WDR35: variants seen among roughly 807,000 people sequenced by gnomAD.
The protein encoded by WDR35 is WD repeat domain 35, also known as WD repeat-containing protein 35.
In WDR35, 118 loss-of-function variants were observed where a neutral mutation model predicts 158.3. The observed-to-expected ratio is 0.75, with a 90% confidence interval of 0.64 to 0.87. The LOEUF (loss-of-function observed/expected upper bound fraction) is 0.87, where lower values mean the gene tolerates loss of function less well. Among genes scored for constraint, WDR35 ranks in the 40% least tolerant of loss-of-function variants. The pLI, the probability that WDR35 is intolerant of heterozygous loss-of-function variation, is 0.00. For missense variants in WDR35, 1,263 were observed against 1,405.8 expected (o/e 0.90, Z 1.62); for synonymous variants, 448 against 476.1 (o/e 0.94, Z 0.77).
chr2:19,927,604 T>A (rs554180737), intron 25 of WDR35, among the ~76,000 whole-genome samples: 1 of 152,334 alleles, frequency 6.6e-6, no homozygotes, highest in African/African-American at 2.4e-5. Flanking sequence ...CTCTAGGAGC[T>A]AAACATTAAG....
intron 11 of WDR35, among the ~76,000 whole-genome samples, chr2:19,959,867 AATC>A (rs1193723938): frequency 6.6e-6 from 1 of 152,112 alleles, no homozygotes; most frequent in Admixed American, 6.5e-5. Context: ...ATTAAAAGAA[AATC>A]ATTACTTTTG....
chr2:19,980,877 T>C (rs1672361961), intron 3 of WDR35, 94 bp from the exon 4 acceptor site: 3 of 1,131,882 alleles, frequency 2.7e-6, no homozygotes, highest in Non-Finnish European at 4.0e-6. Flanking sequence ...TTAAAATCAA[T>C]ATGGTTCCTG....
chr2:19,935,160 T>C (rs1572327376), intron 21 of WDR35: 2 of 169,364 alleles, frequency 1.2e-5, no homozygotes, highest in Admixed American at 6.3e-5. Context: ...CCTAGCAACA[T>C]ATCATTTCAT....
At position 19,941,927 on chromosome 2, in the gene WDR35, T is replaced by G. The variant is rs567846215; in HGVS notation, c.1846-88A>C. The G allele has an allele frequency of 3.5e-4, 350 of 988,860 alleles. No homozygotes were observed. In the African/African-American group the frequency reaches 5.2e-3, roughly 15 times the overall value. The allele number at this position is 988,860 out of a possible 1,614,324, so 61.3% of individuals were successfully genotyped here. A position where few individuals can be genotyped will look rare whatever the true frequency, so the allele number is the denominator to read the frequency against. ...TGCTTTTAAATTTTATTATCAGAGT[T>G]TTCAGGTAAACAAAAGAGAGAATGT... On this transcript the variant is annotated intron_variant, in intron 16 of 26. Coordinates refer to ENST00000281405, the MANE Select transcript of WDR35 (RefSeq NM_020779.4).
chr2:19,982,435 A>G (rs747373565), intron 3 of WDR35, 28 bp downstream of exon 3: 7 of 1,608,076 alleles, frequency 4.4e-6, no homozygotes, highest in South Asian at 2.2e-5. Flanking sequence ...CCACTCAAAC[A>G]TGACTTAAAA....
At chr2:19,985,305 C>T (rs1336273809) in intron 2 of WDR35, among the ~76,000 whole-genome samples, 1 of 152,156 alleles carries the variant, frequency 6.6e-6, no homozygotes, top group East Asian at 1.9e-4. Context: ...CCACAAGCAG[C>T]TCCAACCCAG....
At position 19,989,978 on chromosome 2, in the gene WDR35, C is replaced by T; in HGVS notation, c.24+14G>A. On this transcript the variant is annotated intron_variant, in intron 1 of 26. Coordinates refer to ENST00000281405, the MANE Select transcript of WDR35 (RefSeq NM_020779.4). The stretch of plus-strand genomic sequence containing the variant: ...GAATGGCGGAGAAACGAGGACGCCC[C>T]CCAGGAAACTCACTTTCTTGCTCAG... The T allele has an allele frequency of 6.2e-7, 1 of 1,613,804 alleles. No individual in the cohort carries two copies. Among genetic ancestry groups the T allele is most frequent in the Non-Finnish European group, 8.5e-7 (1 of 1,179,856 alleles).
At chr2:19,963,036 T>C (rs1671715388) in intron 10 of WDR35, among the ~76,000 whole-genome samples, 1 of 152,190 alleles carries the variant, frequency 6.6e-6, no homozygotes, top group Non-Finnish European at 1.5e-5. Context: ...GTAACGTGTT[T>C]ATACTGCTAC....
intron 13 of WDR35, 132 bp downstream of exon 13, chr2:19,951,283 G>GT: frequency 1.2e-6 from 1 of 824,210 alleles, no homozygotes; most frequent in Admixed American, 2.9e-5. Flanking sequence ...TACAGAAGAG[G>GT]ATTTTTTTAA....
chr2:19,930,590 A>AACGCACACACAGTG (rs1670496224), intron 24 of WDR35, 38 bp from the exon 25 acceptor site: 1 of 1,613,020 alleles, frequency 6.2e-7, no homozygotes, highest in Admixed American at 1.7e-5. Flanking sequence ...CGTCAGCACA[A>AACGCACACACAGTG]ACGCACACAC....
At chr2:19,969,424 A>G in intron 9 of WDR35, 56 bp downstream of exon 9, 1 of 1,557,682 alleles carries the variant, frequency 6.4e-7, no homozygotes, top group South Asian at 1.2e-5. Flanking sequence ...TTTGAGCTAT[A>G]GCAAAATTAT....
chr2:19,921,590 A>C (rs1010329192), intron 25 of WDR35, among the ~76,000 whole-genome samples: 2 of 152,238 alleles, frequency 1.3e-5, no homozygotes, highest in African/African-American at 4.8e-5. Context: ...AGATGGATTA[A>C]AGACTTAAAC....
intron 9 of WDR35, among the ~76,000 whole-genome samples, chr2:19,968,706 C>T (rs1429434933): frequency 6.6e-6 from 1 of 152,110 alleles, no homozygotes; most frequent in Non-Finnish European, 1.5e-5. Context: ...TCTCTAAGGT[C>T]CTTTACCTTT....
At chr2:19,974,270 C>T (rs1173931785) in intron 7 of WDR35, among the ~76,000 whole-genome samples, 198 bp downstream of exon 7, 1 of 151,700 alleles carries the variant, frequency 6.6e-6, no homozygotes, top group East Asian at 1.9e-4. Context: ...ATTAGCCAGG[C>T]ATAGTGGCAC....
Position 19,985,061 on chromosome 2 carries a change from C to G in WDR35, c.143-2527G>C, listed in dbSNP as rs117217293. ...TGAGATTTCTGGTCAATTTTGTTGT[C>G]CTGGGCATATTGGAAGGTTGAGGCA... On this transcript the variant is annotated intron_variant, in intron 2 of 26. Transcript: ENST00000281405. Among the ~76,000 whole-genome samples the G allele has an allele frequency of 2.1e-3, 313 of 152,250 alleles. 3 individuals are homozygous for G. The East Asian group carries it at 0.035, about 17-fold the overall frequency.
In WDR35 at chr2:19,911,199, G is replaced by C. The variant is rs1464115220; in HGVS notation, c.*2359C>G. ...TAGGTGAAGTCTGAGGAGTCAACAG[G>C]TGATTCTAGAACTAAAGCAAATGAA... On this transcript the variant is annotated 3_prime_UTR_variant, in exon 27 of 27. Transcript: ENST00000281405. 1 of 152,196 alleles carries C rather than the reference G, an allele frequency of 6.6e-6. No individual in the cohort carries two copies. Among genetic ancestry groups the C allele is most frequent in the Non-Finnish European group, 1.5e-5 (1 of 68,052 alleles). The allele number at this position is 152,196 out of a possible 1,614,324, so 9.4% of individuals were successfully genotyped here.
rs530035828 is a variant in WDR35, at chr2:19,976,139, G to A, written c.437-476C>T. 4.7e-4 allele frequency among the ~76,000 whole-genome samples: 72 copies of A among 151,962 alleles called. 2 individuals carry two copies. The South Asian group carries it at 0.014, about 30-fold the overall frequency. On this transcript the variant is annotated intron_variant, in intron 5 of 26. Coordinates refer to ENST00000281405, the MANE Select transcript of WDR35 (RefSeq NM_020779.4). ...ACCTTTGCAAAGATCTCCCTTTATC[G>A]ACTACTCTCATTTTCTCTTTCTCAT...
Position 19,945,891 on chromosome 2 carries a change from C to T in WDR35, c.1740G>A (p.Leu580=). ...TCATATCCCAGACATCTCTTCGTTC[C>T]AATTTTAACAACTCTCCAACTACTT... ...GQQVVGELLK[L]ERRDVWDMKW... is the part of the protein sequence containing the mutation. The change falls in exon 16 of 27, where the codon TTG becomes TTA. Residue 580 remains leucine (L), a synonymous_variant. Transcript: ENST00000281405. 6.2e-7 allele frequency: 1 copy of T among 1,614,006 alleles called. No individual in the cohort carries two copies. Among genetic ancestry groups the T allele is most frequent in the Non-Finnish European group, 8.5e-7 (1 of 1,179,914 alleles).
Position 19,973,766 on chromosome 2 carries a change from T to C in WDR35, c.737-58A>G, listed in dbSNP as rs955126089. Reference sequence around the variant, plus strand: ...GGAAAATACGTAGCCTAGAGAACTTTATAATCTTAAGAACAACTTTTAAAC... The same window carrying C: ...GGAAAATACGTAGCCTAGAGAACTTCATAATCTTAAGAACAACTTTTAAAC... On this transcript the variant is annotated intron_variant, in intron 7 of 26. Transcript: ENST00000281405. 3 of 1,563,812 alleles carry C rather than the reference T, an allele frequency of 1.9e-6. No individual in the cohort carries two copies. In the African/African-American group the frequency reaches 4.1e-5, roughly 21 times the overall value.
Sources: allele counts gnomAD v4.1 joint callset (sites outside exome capture counted in the v4.1 genomes callset), GRCh38; gene constraint gnomAD v4.1.1; transcripts MANE v1.5; gene names NCBI Gene and HGNC (gene_info 2026-07-23, HGNC 2026-07-21).